Variants in FAT3 observed in about 807,000 individuals in gnomAD.
FAT3 encodes FAT atypical cadherin 3.
FAT3 carries 95 observed loss-of-function variants against 310.2 expected under a neutral mutation model. That is an observed-to-expected ratio of 0.31 (90% CI 0.26 to 0.36). The LOEUF is 0.36. FAT3 is among the 10% of genes least tolerant of loss of function. The pLI, the probability that FAT3 is intolerant of heterozygous loss-of-function variation, is 1.00. For missense variants in FAT3, 5,408 were observed against 5,715.6 expected, an observed-to-expected ratio of 0.95 and a Z score of 1.74; for synonymous variants, 2,314 against 2,192.9, an observed-to-expected ratio of 1.06 and a Z score of -1.54.
At chr11:92,747,679 T>C (rs1158283638) in intron 4 of FAT3, among the ~76,000 whole-genome samples, 1 of 152,184 alleles carries the variant, frequency 6.6e-6, no homozygotes, top group Non-Finnish European at 1.5e-5. Context: ...TCCTCTGGAA[T>C]GTTTTGCTGC....
At chr11:92,711,433 C>T (rs1050849534) in intron 4 of FAT3, among the ~76,000 whole-genome samples, 6 of 152,114 alleles carry the variant, frequency 3.9e-5, no homozygotes, top group African/African-American at 1.4e-4. Context: ...CCCCAGGAGG[C>T]CCTAGTGATA....
chr11:92,259,895 G>T (rs997239620), intron 1 of FAT3, among the ~76,000 whole-genome samples: 9 of 152,114 alleles, frequency 5.9e-5, no homozygotes, highest in African/African-American at 1.9e-4. Context: ...GTTTTTCCTA[G>T]ATGGGATGGA....
intron 1 of FAT3, among the ~76,000 whole-genome samples, chr11:92,315,796 A>G (rs980607473): frequency 3.9e-5 from 6 of 151,990 alleles, no homozygotes; most frequent in African/African-American, 7.2e-5. Context: ...TGCCAGGATT[A>G]TAGACGTGAG....
chr11:92,314,313 G>A, intron 1 of FAT3: 1 of 978,964 alleles, frequency 1.0e-6, no homozygotes. Context: ...ATTTCTTCAG[G>A]TATGCAACTT....
At chr11:92,365,589 A>C (rs4376864) in intron 2 of FAT3, among the ~76,000 whole-genome samples, 4,813 of 152,260 alleles carry the variant, frequency 0.032, 225 homozygotes, top group African/African-American at 0.096. Context: ...ATTGCATATC[A>C]TTCCTTTATT....
At chr11:92,759,513 C>A (rs898531035) in intron 4 of FAT3, among the ~76,000 whole-genome samples, 1 of 152,200 alleles carries the variant, frequency 6.6e-6, no homozygotes, top group Middle Eastern at 3.4e-3. Context: ...GACATTTCAG[C>A]TGGACTTAAA....
chr11:92,784,476 C>G (rs1946836679), intron 7 of FAT3, among the ~76,000 whole-genome samples: 1 of 152,164 alleles, frequency 6.6e-6, no homozygotes, highest in Non-Finnish European at 1.5e-5. Context: ...ATACCATGAG[C>G]CTTTGTGAAG....
intron 1 of FAT3, among the ~76,000 whole-genome samples, chr11:92,258,744 C>T (rs559222736): frequency 2.6e-5 from 4 of 151,918 alleles, no homozygotes; most frequent in Admixed American, 1.3e-4. Flanking sequence ...GGAGGCAGGC[C>T]GTGTACACAA....
chr11:92,666,273 A>G (rs1168257616), intron 3 of FAT3, among the ~76,000 whole-genome samples: 1 of 152,152 alleles, frequency 6.6e-6, no homozygotes, highest in African/African-American at 2.4e-5. Context: ...AAAGGTGTTA[A>G]TTTGGCTGAG....
intron 1 of FAT3, among the ~76,000 whole-genome samples, chr11:92,309,405 CACACACA>C (rs1947233509): frequency 1.3e-5 from 2 of 151,392 alleles, no homozygotes; most frequent in African/African-American, 4.9e-5. Flanking sequence ...CACACACACA[CACACACA>C]CACACACTTT....
In FAT3 at chr11:92,715,266, G is replaced by A. The variant is rs565235054; in HGVS notation, c.3669+17821G>A. Among the ~76,000 whole-genome samples the A allele has an allele frequency of 2.0e-4, 31 of 151,362 alleles. No homozygotes were observed. In the South Asian group the frequency reaches 4.8e-3, roughly 23 times the overall value. ...TAAAAAAAAAAAAAAAAAATAGCTG[G>A]GTGTGGTGGCAGGAGCCTGTAGTCC... On this transcript the variant is annotated intron_variant, in intron 4 of 27. Coordinates refer to ENST00000525166, the MANE Select transcript of FAT3 (RefSeq NM_001367949.2).
intron 1 of FAT3, among the ~76,000 whole-genome samples, chr11:92,230,759 A>G (rs1021695254): frequency 2.6e-5 from 4 of 152,192 alleles, no homozygotes; most frequent in Admixed American, 1.3e-4. Flanking sequence ...CTGTGTGTGT[A>G]CACTAGAAGT....
chr11:92,571,964 G>A (rs1168422714), intron 3 of FAT3, among the ~76,000 whole-genome samples: 1 of 152,240 alleles, frequency 6.6e-6, no homozygotes, highest in Non-Finnish European at 1.5e-5. Context: ...CATATTTGGG[G>A]ATAGAAAGAG....
intron 13 of FAT3, among the ~76,000 whole-genome samples, chr11:92,812,498 C>T (rs1157521213): frequency 6.6e-6 from 1 of 151,610 alleles, no homozygotes; most frequent in Non-Finnish European, 1.5e-5. Flanking sequence ...AGAAGAATTG[C>T]TTGAACCCGG....
intron 26 of FAT3, 92 bp downstream of exon 26, chr11:92,889,340 G>C (rs1036774515): frequency 1.3e-5 from 7 of 557,976 alleles, no homozygotes; most frequent in Non-Finnish European, 2.3e-5. Flanking sequence ...GGCCACAGAG[G>C]GGGCAATAAA....
intron 2 of FAT3, among the ~76,000 whole-genome samples, chr11:92,442,098 TATATATATATA>T (rs1320823833): frequency 1.5e-4 from 8 of 51,784 alleles, no homozygotes; most frequent in East Asian, 5.6e-4. Flanking sequence ...TATATATATA[TATATATATATA>T]TATTTTTTTT....
chr11:92,301,487 C>T (rs959909999), intron 1 of FAT3, among the ~76,000 whole-genome samples: 2 of 152,230 alleles, frequency 1.3e-5, no homozygotes, highest in Non-Finnish European at 1.5e-5. Context: ...TGCCTTATTT[C>T]TGGGCCCATA....
intron 1 of FAT3, among the ~76,000 whole-genome samples, chr11:92,231,311 T>A (rs1201634603): frequency 3.3e-5 from 5 of 152,212 alleles, no homozygotes; most frequent in Admixed American, 2.0e-4. Flanking sequence ...CTTGGTTTTT[T>A]ACCTTAAAAA....
intron 2 of FAT3, among the ~76,000 whole-genome samples, chr11:92,426,762 T>C (rs920157043): frequency 6.6e-6 from 1 of 152,214 alleles, no homozygotes; most frequent in Non-Finnish European, 1.5e-5. Flanking sequence ...AGTACCATGC[T>C]GTTTTGGTTA....
Sources: allele counts gnomAD v4.1 joint callset (sites outside exome capture counted in the v4.1 genomes callset), GRCh38; gene constraint gnomAD v4.1.1; transcripts MANE v1.5; gene names NCBI Gene and HGNC (gene_info 2026-07-23, HGNC 2026-07-21).